Variants in FBXL7 observed in about 807,000 individuals in gnomAD.
FBXL7 encodes F-box/LRR-repeat protein 7.
A neutral mutation model predicts 38.3 loss-of-function variants in FBXL7; 12 were observed. That is an observed-to-expected ratio of 0.31 (90% confidence interval 0.20 to 0.51). The LOEUF (loss-of-function observed/expected upper bound fraction) is 0.51, where lower values mean the gene tolerates loss of function less well. Ranked by LOEUF, FBXL7 falls within the 20% of genes least tolerant of loss-of-function variation. FBXL7 has a pLI of 0.98. For synonymous variants in FBXL7, 297 were observed against 300.9 expected (o/e 0.99, Z 0.13); for missense variants, 567 against 676.4 (o/e 0.84, Z 1.79).
At chr5:15,740,038 G>A (rs4574543) in intron 2 of FBXL7, among the ~76,000 whole-genome samples, 97,187 of 151,916 alleles carry the variant, frequency 0.64, 31,628 homozygotes, top group East Asian at 0.72. Flanking sequence ...TCTCTACATC[G>A]TCACCAACAC....
intron 2 of FBXL7, among the ~76,000 whole-genome samples, chr5:15,629,429 A>G (rs1740928298): frequency 6.6e-6 from 1 of 152,200 alleles, no homozygotes; most frequent in African/African-American, 2.4e-5. Context: ...AGTATTGGGT[A>G]CCATAAATTA....
At chr5:15,836,456 T>C (rs1738595311) in intron 2 of FBXL7, among the ~76,000 whole-genome samples, 1 of 152,134 alleles carries the variant, frequency 6.6e-6, no homozygotes, top group African/African-American at 2.4e-5. Flanking sequence ...GGAAACAGTT[T>C]ACAGTTTGAA....
chr5:15,518,319 C>A (rs1216917253), intron 1 of FBXL7, among the ~76,000 whole-genome samples: 3 of 152,170 alleles, frequency 2.0e-5, no homozygotes, highest in Admixed American at 6.5e-5. Context: ...AACCTTCATA[C>A]TAGACTCACC....
At chr5:15,588,419 C>T (rs1283720250) in intron 1 of FBXL7, among the ~76,000 whole-genome samples, 3 of 144,114 alleles carry the variant, frequency 2.1e-5, no homozygotes, top group South Asian at 2.2e-4. Context: ...GAGTTTCGCT[C>T]TTCATTGTCC....
chr5:15,803,051 G>A (rs183997662), intron 2 of FBXL7, among the ~76,000 whole-genome samples: 27 of 152,306 alleles, frequency 1.8e-4, no homozygotes, highest in African/African-American at 6.5e-4. Flanking sequence ...TGAGACCCAT[G>A]AGGACAGGCA....
At chr5:15,566,370 G>A (rs193265443) in intron 1 of FBXL7, among the ~76,000 whole-genome samples, 65 of 152,190 alleles carry the variant, frequency 4.3e-4, no homozygotes, top group African/African-American at 1.2e-3. Context: ...GCAGAGAAGC[G>A]CTGTCTTCTT....
At chr5:15,846,767 A>C (rs1738915771) in intron 2 of FBXL7, among the ~76,000 whole-genome samples, 1 of 152,228 alleles carries the variant, frequency 6.6e-6, no homozygotes, top group South Asian at 2.1e-4. Flanking sequence ...AGATGAAAAA[A>C]GAGAAGGTTG....
chr5:15,738,431 G>A (rs914860652), intron 2 of FBXL7, among the ~76,000 whole-genome samples: 5 of 152,194 alleles, frequency 3.3e-5, no homozygotes, highest in African/African-American at 1.2e-4. Flanking sequence ...TTGTGATGTG[G>A]TATGTTAGCT....
intron 2 of FBXL7, among the ~76,000 whole-genome samples, chr5:15,652,213 A>G (rs750759668): frequency 6.6e-6 from 1 of 152,172 alleles, no homozygotes; most frequent in African/African-American, 2.4e-5. Context: ...CAATTAGGCT[A>G]TTTCACTATC....
chr5:15,721,501 G>A (rs1413335537), intron 2 of FBXL7, among the ~76,000 whole-genome samples: 1 of 152,090 alleles, frequency 6.6e-6, no homozygotes, highest in African/African-American at 2.4e-5. Flanking sequence ...TATTTCAAAT[G>A]AAGTTATTCA....
chr5:15,699,410 C>T (rs1272993170), intron 2 of FBXL7, among the ~76,000 whole-genome samples: 2 of 152,186 alleles, frequency 1.3e-5, no homozygotes, highest in East Asian at 1.9e-4. Flanking sequence ...AGCTGCATTG[C>T]TCCAGCCTCT....
chr5:15,534,167 T>C (rs1321960293), intron 1 of FBXL7, among the ~76,000 whole-genome samples: 5 of 152,164 alleles, frequency 3.3e-5, no homozygotes, highest in South Asian at 2.1e-4. Context: ...TAAACCTACA[T>C]TGACACATCA....
intron 2 of FBXL7, among the ~76,000 whole-genome samples, chr5:15,812,176 G>C (rs757779236): frequency 1.3e-5 from 2 of 152,066 alleles, no homozygotes; most frequent in Non-Finnish European, 2.9e-5. Flanking sequence ...AATAAGTTCA[G>C]GTCCTTTGTG....
intron 1 of FBXL7, chr5:15,580,857 T>C (rs1739115371): frequency 4.1e-6 from 4 of 972,182 alleles, no homozygotes; most frequent in Non-Finnish European, 3.7e-6. Context: ...CGACACTGGT[T>C]GATGCATGGC....
intron 1 of FBXL7, among the ~76,000 whole-genome samples, chr5:15,523,579 T>C (rs1313112259): frequency 6.6e-6 from 1 of 151,204 alleles, no homozygotes; most frequent in East Asian, 1.9e-4. Flanking sequence ...AAAAATCACA[T>C]AGTAGCTTGG....
At chr5:15,935,158 A>C (rs774593752) in intron 3 of FBXL7, 1 of 534,716 alleles carries the variant, frequency 1.9e-6, no homozygotes, top group South Asian at 1.4e-5. Flanking sequence ...AATGAGGTAA[A>C]AGATGCCGTC....
chr5:15,558,275 G>A (rs537434250), intron 1 of FBXL7, among the ~76,000 whole-genome samples: 21 of 152,324 alleles, frequency 1.4e-4, no homozygotes, highest in African/African-American at 4.6e-4. Flanking sequence ...GGCCTTAGCT[G>A]TTCTCCTTTG....
chr5:15,833,382 A>G (rs1738508624), intron 2 of FBXL7, among the ~76,000 whole-genome samples: 1 of 152,052 alleles, frequency 6.6e-6, no homozygotes, highest in South Asian at 2.1e-4. Flanking sequence ...TAACCTAATC[A>G]CTTTCCAAAG....
intron 2 of FBXL7, among the ~76,000 whole-genome samples, chr5:15,810,196 A>G (rs2126751881): frequency 6.6e-6 from 1 of 152,208 alleles, no homozygotes; most frequent in Non-Finnish European, 1.5e-5. Flanking sequence ...GTTCTTTCTC[A>G]CCACAAATAA....
Sources: allele counts gnomAD v4.1 joint callset (sites outside exome capture counted in the v4.1 genomes callset), GRCh38; gene constraint gnomAD v4.1.1; transcripts MANE v1.5; gene names NCBI Gene and HGNC (gene_info 2026-07-23, HGNC 2026-07-21).